DNAJB6: variants seen among roughly 807,000 people sequenced by gnomAD.
The protein encoded by DNAJB6 is dnaJ homolog subfamily B member 6.
A neutral mutation model predicts 42.7 loss-of-function variants in DNAJB6; 16 were observed. The ratio of observed to expected loss-of-function variants is 0.37; its 90% CI spans 0.25 to 0.57. The LOEUF (loss-of-function observed/expected upper bound fraction) is 0.57. Among genes scored for constraint, DNAJB6 ranks in the 20% least tolerant of loss-of-function variants. The pLI is 0.74. For synonymous variants in DNAJB6, 170 were observed against 163.5 expected (o/e 1.04, Z -0.30); for missense variants, 347 against 416.8 (o/e 0.83, Z 1.46).
chr7:157,391,274 T>G (rs1801328661), intron 8 of DNAJB6, among the ~76,000 whole-genome samples: 1 of 152,208 alleles, frequency 6.6e-6, no homozygotes, highest in Non-Finnish European at 1.5e-5. Context: ...TCTGCCAAAT[T>G]GAGAACTTTG....
chr7:157,347,511 C>G (rs1404092721), intron 1 of DNAJB6, among the ~76,000 whole-genome samples: 2 of 152,182 alleles, frequency 1.3e-5, no homozygotes, highest in African/African-American at 2.4e-5. Context: ...TCGGCTCAGA[C>G]TTGGGTTTTG....
rs776962478 is a variant in DNAJB6, at chr7:157,416,027, G to T, written c.910G>T (p.Gly304Cys). ...CCGTGTTTCCTTAGGATTGAAAGAAGGTGGCAAGAGGAAGAAGCAGAAGCA... is the reference window on the plus strand; with the variant it reads ...CCGTGTTTCCTTAGGATTGAAAGAATGTGGCAAGAGGAAGAAGCAGAAGCA... ...PLASAAGLKE[G>C]GKRKKQKQRE... Residue 304 changes from glycine (G) to cysteine (C), a missense_variant, in exon 10 of 10, where the codon GGT (glycine) becomes TGT (cysteine). Coordinates refer to ENST00000262177, the MANE Select transcript of DNAJB6 (RefSeq NM_058246.4). 6.2e-7 allele frequency: 1 copy of T among 1,614,072 alleles called. No individual in the cohort carries two copies. Among genetic ancestry groups the T allele is most frequent in the African/African-American group, 1.3e-5 (1 of 74,926 alleles).
chr7:157,339,173 C>A (rs1584867210), intron 1 of DNAJB6, among the ~76,000 whole-genome samples: 1 of 151,572 alleles, frequency 6.6e-6, no homozygotes, highest in Non-Finnish European at 1.5e-5. Context: ...CCCGTAATTC[C>A]CTTCTATTAA....
intron 1 of DNAJB6, among the ~76,000 whole-genome samples, chr7:157,354,370 C>G (rs1329652744): frequency 6.6e-6 from 1 of 152,184 alleles, no homozygotes; most frequent in Non-Finnish European, 1.5e-5. Flanking sequence ...TGGTCTCGAA[C>G]TCCCGACCTC....
chr7:157,386,797 T>C (rs1801085072), intron 8 of DNAJB6, among the ~76,000 whole-genome samples: 2 of 151,954 alleles, frequency 1.3e-5, no homozygotes, highest in Non-Finnish European at 2.9e-5. Flanking sequence ...GGCAGAAGAA[T>C]TGCTTGAACC....
intron 2 of DNAJB6, among the ~76,000 whole-genome samples, chr7:157,361,418 A>G (rs553534365): frequency 4.6e-5 from 7 of 152,204 alleles, no homozygotes; most frequent in Admixed American, 1.3e-4. Context: ...CAGCCTCCCA[A>G]AGTGCTGAGA....
chr7:157,339,134 G>A (rs188103235), intron 1 of DNAJB6, among the ~76,000 whole-genome samples: 4 of 152,136 alleles, frequency 2.6e-5, no homozygotes, highest in Admixed American at 2.6e-4. Context: ...TTACTGAGTG[G>A]CGTACATTAG....
intron 1 of DNAJB6, among the ~76,000 whole-genome samples, chr7:157,354,474 TA>T (rs34290769): frequency 1.3e-5 from 2 of 151,678 alleles, no homozygotes; most frequent in African/African-American, 4.8e-5. Flanking sequence ...ATTTTTTTTT[TA>T]AAAAAATTAT....
chr7:157,375,968 T>TG (rs1054148736), intron 5 of DNAJB6, among the ~76,000 whole-genome samples: 3 of 152,088 alleles, frequency 2.0e-5, no homozygotes, highest in African/African-American at 7.2e-5. Flanking sequence ...TCTGTGCACT[T>TG]GGGGAATTGA....
chr7:157,346,505 A>G (rs1413552031), intron 1 of DNAJB6, among the ~76,000 whole-genome samples: 2 of 152,124 alleles, frequency 1.3e-5, no homozygotes, highest in Non-Finnish European at 2.9e-5. Flanking sequence ...ATCATCTAAT[A>G]CACAGTTGGA....
chr7:157,372,781 A>T (rs1181014780), intron 5 of DNAJB6, among the ~76,000 whole-genome samples: 5 of 152,170 alleles, frequency 3.3e-5, no homozygotes, highest in African/African-American at 1.2e-4. Flanking sequence ...GAGGCTGGCC[A>T]TGTGAGACCC....
intron 1 of DNAJB6, among the ~76,000 whole-genome samples, chr7:157,342,988 T>A (rs996260766): frequency 6.6e-6 from 1 of 151,620 alleles, no homozygotes; most frequent in East Asian, 1.9e-4. Context: ...TTTTTTGTTT[T>A]TGCTTTTTTT....
intron 9 of DNAJB6, chr7:157,412,765 A>G (rs2116676606): frequency 6.6e-6 from 1 of 152,344 alleles, no homozygotes; most frequent in East Asian, 1.9e-4. Context: ...CCGTCCCTGA[A>G]TCGAGCAGGT....
chr7:157,390,481 A>C (rs1436745113), intron 8 of DNAJB6, among the ~76,000 whole-genome samples: 2 of 152,140 alleles, frequency 1.3e-5, no homozygotes, highest in African/African-American at 4.8e-5. Flanking sequence ...TACTGAACTG[A>C]CTGCCATTCA....
Position 157,387,204 on chromosome 7 carries a change from A to C in DNAJB6, c.691+1593A>C, listed in dbSNP as rs181777842. Among the ~76,000 whole-genome samples, 133 of 152,154 alleles carry C rather than the reference A, an allele frequency of 8.7e-4. 1 individual carries two copies. The highest frequency in any genetic ancestry group is 3.1e-3 in the African/African-American group (129 of 41,424). On this transcript the variant is annotated intron_variant, in intron 8 of 9. Coordinates refer to ENST00000262177, the MANE Select transcript of DNAJB6 (RefSeq NM_058246.4). The stretch of plus-strand genomic sequence containing the variant: ...AGTAAAAAATATTTTAAGGAATTTC[A>C]TAGGAGCTCAAAAAAGCATAGCAAC...
At chr7:157,356,862 C>T (rs1175393031) in intron 1 of DNAJB6, among the ~76,000 whole-genome samples, 1 of 152,152 alleles carries the variant, frequency 6.6e-6, no homozygotes, top group African/African-American at 2.4e-5. Context: ...TCTTTGCTGT[C>T]ATGTATTTGA....
At chr7:157,373,244 ACAT>A (rs1469177577) in intron 5 of DNAJB6, among the ~76,000 whole-genome samples, 1 of 152,212 alleles carries the variant, frequency 6.6e-6, no homozygotes, top group Non-Finnish European at 1.5e-5. Context: ...AACCACTTTA[ACAT>A]CATATTTCTA....
At chr7:157,376,731 A>G (rs1446820047) in intron 5 of DNAJB6, among the ~76,000 whole-genome samples, 1 of 152,116 alleles carries the variant, frequency 6.6e-6, no homozygotes, top group African/African-American at 2.4e-5. Flanking sequence ...AAATAAAAAA[A>G]TTAGCCAGGC....
intron 5 of DNAJB6, chr7:157,369,605 G>A (rs1584908729): frequency 6.5e-6 from 2 of 308,954 alleles, no homozygotes; most frequent in South Asian, 2.6e-5. Flanking sequence ...TTATTAAATA[G>A]GCCCCTTCTT....
Sources: gnomAD v4.1 joint callset for allele counts (sites outside exome capture counted in the v4.1 genomes callset) on GRCh38, gnomAD v4.1.1 for gene constraint, MANE v1.5 for transcripts, NCBI Gene and HGNC (gene_info 2026-07-23, HGNC 2026-07-21) for gene names.